CASZ1: variants seen among roughly 807,000 people sequenced by gnomAD.
CASZ1 encodes the protein zinc finger protein castor homolog 1.
In CASZ1, 28 loss-of-function variants were observed where a neutral mutation model predicts 135.2. That is an observed-to-expected ratio of 0.21 (90% confidence interval 0.15 to 0.28). The LOEUF (loss-of-function observed/expected upper bound fraction) is 0.28. Among genes scored for constraint, CASZ1 ranks in the 10% least tolerant of loss-of-function variants. The probability of loss-of-function intolerance (pLI) is 1.00; values close to 1 mark genes in which losing one functional copy is unlikely to be tolerated. For missense variants in CASZ1, 2,161 were observed against 2,453.3 expected, an observed-to-expected ratio of 0.88 and a Z score of 2.52; for synonymous variants, 1,068 against 1,073.4, an observed-to-expected ratio of 0.99 and a Z score of 0.10.
intron 4 of CASZ1, among the ~76,000 whole-genome samples, chr1:10,681,110 C>T (rs927247077): frequency 6.6e-6 from 1 of 152,048 alleles, no homozygotes; most frequent in Admixed American, 6.5e-5. Context: ...CATGTTGGCC[C>T]GGCTGGTTTC....
chr1:10,646,709 G>A lies in CASZ1; in HGVS notation c.3498-383C>T, dbSNP rs557999192. Among the ~76,000 whole-genome samples the A allele has an allele frequency of 5.5e-4, 84 of 152,328 alleles. No homozygotes were observed. The highest frequency in any genetic ancestry group is 2.0e-3 in the African/African-American group (83 of 41,566). On this transcript the variant is annotated intron_variant, in intron 16 of 20. Coordinates refer to ENST00000377022, the MANE Select transcript of CASZ1 (RefSeq NM_001079843.3). The surrounding 1 kb of genome is among the most constrained non-coding windows in gnomAD (Gnocchi z 6.4). ...GGGGTGCCGTGAGGCCCTGGCTGGCGTGGCATGGGCGCCACCGTGGATGTG... is the reference window on the plus strand; with the variant it reads ...GGGGTGCCGTGAGGCCCTGGCTGGCATGGCATGGGCGCCACCGTGGATGTG...
intron 1 of CASZ1, among the ~76,000 whole-genome samples, chr1:10,783,886 A>AAAC (rs1640808268): frequency 6.6e-6 from 1 of 151,464 alleles, no homozygotes; most frequent in Admixed American, 6.6e-5. Context: ...AAAAAAAAAA[A>AAAC]AAAAAAACCT....
chr1:10,645,988 CAG>C, intron 17 of CASZ1, 138 bp downstream of exon 17: 1 of 824,998 alleles, frequency 1.2e-6, no homozygotes, highest in African/African-American at 1.7e-5. Context: ...GTGCTCTTTC[CAG>C]AGTCCGGGAG....
intron 2 of CASZ1, among the ~76,000 whole-genome samples, chr1:10,750,552 G>A (rs1357828307): frequency 6.6e-6 from 1 of 152,054 alleles, no homozygotes; most frequent in South Asian, 2.1e-4. Context: ...ACAGGCGTGA[G>A]CCACTGTGCC....
Position 10,725,202 on chromosome 1 carries a change from C to T in CASZ1, c.-76-19658G>A, listed in dbSNP as rs1249265581. Among the ~76,000 whole-genome samples the T allele has an allele frequency of 1.3e-5, 2 of 152,170 alleles. No homozygotes were observed. The highest frequency in any genetic ancestry group is 1.3e-4 in the Admixed American group (2 of 15,288). On this transcript the variant is annotated intron_variant, in intron 2 of 20. Transcript: ENST00000377022. The surrounding 1 kb of genome is among the most constrained non-coding windows in gnomAD (Gnocchi z 4.4). ...TTAAGACCAAGGAGTGACCATGTCA[C>T]TGCCCAGGGCAGCCCGGTGACCGTG...
rs938414218 is a variant in CASZ1 at position 10,724,660 on chromosome 1, G to T, written c.-76-19116C>A. Among the ~76,000 whole-genome samples the T allele has an allele frequency of 6.6e-6, 1 of 152,200 alleles. No individual in the cohort carries two copies. Among genetic ancestry groups the T allele is most frequent in the East Asian group, 1.9e-4 (1 of 5,192 alleles). On this transcript the variant is annotated intron_variant, in intron 2 of 20. Transcript: ENST00000377022. The surrounding 1 kb of genome is among the most constrained non-coding windows in gnomAD (Gnocchi z 4.1). The stretch of plus-strand genomic sequence containing the variant: ...TTCTCCCCCAGCCAAAGCAAGCAGG[G>T]CCTAGCACGAGCTCCAAGGTTGCCC...
At chr1:10,783,678 G>A (rs1640803437) in intron 1 of CASZ1, among the ~76,000 whole-genome samples, 1 of 151,862 alleles carries the variant, frequency 6.6e-6, no homozygotes, top group Non-Finnish European at 1.5e-5. Flanking sequence ...TTCGAGACCA[G>A]CCTGACCAAC....
chr1:10,683,473 C>T (rs891776885), intron 4 of CASZ1, among the ~76,000 whole-genome samples: 3 of 152,174 alleles, frequency 2.0e-5, no homozygotes, highest in East Asian at 3.9e-4. Context: ...TGGAGACACC[C>T]ACCGCAGAGC....
rs145765885 is a variant in CASZ1, at chr1:10,706,936, G to A, written c.-76-1392C>T. ...CTGTGTAAAGGGGGAATAAGGAAAAGAGAAGGAGCTGGCCAGGAGAGGAGA... is the reference window on the plus strand; with the variant it reads ...CTGTGTAAAGGGGGAATAAGGAAAAAAGAAGGAGCTGGCCAGGAGAGGAGA... On this transcript the variant is annotated intron_variant, in intron 2 of 20. Coordinates refer to ENST00000377022, the MANE Select transcript of CASZ1 (RefSeq NM_001079843.3). The surrounding 1 kb of genome is among the most constrained non-coding windows in gnomAD (Gnocchi z 4.3). Among the ~76,000 whole-genome samples the A allele has an allele frequency of 4.6e-5, 7 of 152,102 alleles. No individual in the cohort carries two copies. The highest frequency in any genetic ancestry group is 1.7e-4 in the African/African-American group (7 of 41,414).
intron 3 of CASZ1, chr1:10,704,164 G>T (rs1325882649): frequency 1.3e-5 from 2 of 152,308 alleles, no homozygotes; most frequent in Non-Finnish European, 2.9e-5. Context: ...GCATCCTGAG[G>T]AGCCTTCCAC....
intron 13 of CASZ1, chr1:10,650,377 A>AAAAT (rs950231908): frequency 6.1e-5 from 10 of 163,896 alleles, no homozygotes; most frequent in Non-Finnish European, 1.0e-4. Context: ...AAATATATAT[A>AAAAT]AAATAAATAA....
At chr1:10,680,756 C>T (rs1776228) in intron 4 of CASZ1, among the ~76,000 whole-genome samples, 5,765 of 152,306 alleles carry the variant, frequency 0.038, 370 homozygotes, top group African/African-American at 0.13. Flanking sequence ...GCCTCCGTCC[C>T]ACCCCACTAC....
intron 3 of CASZ1, among the ~76,000 whole-genome samples, chr1:10,695,426 C>T (rs887267588): frequency 2.0e-5 from 3 of 152,116 alleles, no homozygotes; most frequent in Non-Finnish European, 4.4e-5. Context: ...CCCCACTTTC[C>T]CCACAGCCCC....
chr1:10,734,748 T>G (rs1639763792), intron 2 of CASZ1, among the ~76,000 whole-genome samples: 1 of 152,110 alleles, frequency 6.6e-6, no homozygotes, highest in African/African-American at 2.4e-5. Context: ...GGCAATGTGG[T>G]TTTCTCTCTT....
At chr1:10,664,121 A>C (rs1024935646) in intron 5 of CASZ1, among the ~76,000 whole-genome samples, 1 of 152,350 alleles carries the variant, frequency 6.6e-6, no homozygotes, top group African/African-American at 2.4e-5. Context: ...AGGATAATTA[A>C]ACAGCTCTGT....
chr1:10,786,091 T>G (rs1640855028), intron 1 of CASZ1, among the ~76,000 whole-genome samples: 2 of 152,188 alleles, frequency 1.3e-5, no homozygotes, highest in Non-Finnish European at 2.9e-5. Flanking sequence ...TGGGCACGAC[T>G]CTGGGATTGC....
chr1:10,763,158 G>A (rs1378741339), intron 1 of CASZ1, among the ~76,000 whole-genome samples: 1 of 152,330 alleles, frequency 6.6e-6, no homozygotes, highest in East Asian at 1.9e-4. Context: ...CATAAACTGA[G>A]GCTTTCCCAC....
At chr1:10,791,281 A>C (rs1171942708) in intron 1 of CASZ1, among the ~76,000 whole-genome samples, 1 of 152,230 alleles carries the variant, frequency 6.6e-6, no homozygotes, top group African/African-American at 2.4e-5. Context: ...CTTGAGACAA[A>C]GGTCGGAGAA....
At chr1:10,751,087 AATT>A (rs902682154) in intron 2 of CASZ1, among the ~76,000 whole-genome samples, 5 of 151,096 alleles carry the variant, frequency 3.3e-5, no homozygotes, top group African/African-American at 2.4e-5. Flanking sequence ...TATTATTATT[AATT>A]ATTATTATTA....
Sources: gnomAD v4.1 joint callset for allele counts (sites outside exome capture counted in the v4.1 genomes callset) on GRCh38, gnomAD v4.1.1 for gene constraint, Gnocchi (gnomAD v3.1) non-coding constraint, MANE v1.5 for transcripts, NCBI Gene and HGNC (gene_info 2026-07-23, HGNC 2026-07-21) for gene names.